Variants in DIP2C observed in about 807,000 individuals in gnomAD.
DIP2C encodes the protein disco-interacting protein 2 homolog C.
A neutral mutation model predicts 192.4 loss-of-function variants in DIP2C; 33 were observed. The observed-to-expected ratio is 0.17, with a 90% CI of 0.13 to 0.23. The LOEUF (loss-of-function observed/expected upper bound fraction) is 0.23, where lower values mean the gene tolerates loss of function less well. DIP2C is among the 10% of genes least tolerant of loss of function. The probability of loss-of-function intolerance (pLI) is 1.00; values close to 1 mark genes in which losing one functional copy is unlikely to be tolerated. For synonymous variants in DIP2C, 979 were observed against 864.1 expected (o/e 1.13, Z -2.33); for missense variants, 1,537 against 2,110.1 (o/e 0.73, Z 5.32).
At chr10:685,944 G>C (rs931617377) in intron 1 of DIP2C, among the ~76,000 whole-genome samples, 2 of 32,134 alleles carry the variant, frequency 6.2e-5, no homozygotes, top group Middle Eastern at 0.028. Flanking sequence ...ATGGGAGACA[G>C]AGTGAGACCG....
intron 17 of DIP2C, among the ~76,000 whole-genome samples, chr10:377,311 G>A (rs1961738609): frequency 6.6e-6 from 1 of 152,210 alleles, no homozygotes; most frequent in Admixed American, 6.5e-5. Context: ...GACCCCGTGG[G>A]GAGGCCCCTC....
chr10:546,711 CTT>C (rs1051257006), intron 1 of DIP2C, among the ~76,000 whole-genome samples: 4 of 152,064 alleles, frequency 2.6e-5, no homozygotes, highest in African/African-American at 9.7e-5. Context: ...TTGAGTGGCT[CTT>C]TTACCAGCAC....
intron 1 of DIP2C, among the ~76,000 whole-genome samples, chr10:547,778 T>C (rs1848363446): frequency 6.6e-6 from 1 of 152,110 alleles, no homozygotes; most frequent in African/African-American, 2.4e-5. Flanking sequence ...TGATAAAATC[T>C]CAGTCACGTC....
chr10:274,351 C>G lies in DIP2C; in HGVS notation c.*2974G>C, dbSNP rs1954410643. On this transcript the variant is annotated 3_prime_UTR_variant, in exon 37 of 37. Transcript: ENST00000280886. ...TGATTATCTGTACTAAGTAATGCAA[C>G]AAATTATGTAAACAGAGTCAGATAC... 1 of 152,124 alleles carries G rather than the reference C, an allele frequency of 6.6e-6. No individual in the cohort carries two copies. The highest frequency in any genetic ancestry group is 1.5e-5 in the Non-Finnish European group (1 of 68,022). The allele number at this position is 152,124 out of a possible 1,614,324, so 9.4% of individuals were successfully genotyped here.
intron 1 of DIP2C, among the ~76,000 whole-genome samples, chr10:494,829 A>C (rs1302174931): frequency 6.6e-6 from 1 of 152,242 alleles, no homozygotes; most frequent in Non-Finnish European, 1.5e-5. Flanking sequence ...AATAGCATGG[A>C]GCATCTTCCA....
chr10:340,909 G>A (rs1400568031), intron 29 of DIP2C: 2 of 507,236 alleles, frequency 3.9e-6, no homozygotes, highest in Admixed American at 4.6e-5. Flanking sequence ...ACAGGCATAA[G>A]AACCAAGCCT....
chr10:350,418 A>G (rs533797028), intron 24 of DIP2C, among the ~76,000 whole-genome samples: 43 of 152,306 alleles, frequency 2.8e-4, no homozygotes, highest in African/African-American at 1.0e-3. Flanking sequence ...GCTTTTCCTG[A>G]GGACACACTT....
chr10:357,054 C>A (rs1959115383), intron 23 of DIP2C, among the ~76,000 whole-genome samples: 1 of 152,178 alleles, frequency 6.6e-6, no homozygotes, highest in Admixed American at 6.5e-5. Context: ...GTAAAAGGGG[C>A]AGCCTTATTT....
intron 3 of DIP2C, among the ~76,000 whole-genome samples, chr10:442,109 G>A (rs1185669754): frequency 6.6e-6 from 1 of 152,186 alleles, no homozygotes. Flanking sequence ...AGTGAGAACG[G>A]TGTTAGCAGA....
chr10:293,758 G>C (rs150080440), intron 32 of DIP2C, among the ~76,000 whole-genome samples: 1 of 152,306 alleles, frequency 6.6e-6, no homozygotes, highest in Non-Finnish European at 1.5e-5. Flanking sequence ...CAGGCATCAT[G>C]TTCACACATC....
intron 2 of DIP2C, among the ~76,000 whole-genome samples, chr10:478,433 C>T (rs1020920104): frequency 2.8e-5 from 4 of 144,200 alleles, no homozygotes; most frequent in Admixed American, 1.4e-4. Flanking sequence ...ACAGACACAC[C>T]CCAATTCCCA....
At chr10:580,820 G>A (rs1850597009) in intron 1 of DIP2C, among the ~76,000 whole-genome samples, 2 of 152,208 alleles carry the variant, frequency 1.3e-5, no homozygotes, top group African/African-American at 4.8e-5. Context: ...AAAACACAGT[G>A]AGAAGGGCGC....
intron 1 of DIP2C, among the ~76,000 whole-genome samples, chr10:685,518 A>G (rs1028914996): frequency 6.6e-6 from 1 of 152,154 alleles, no homozygotes; most frequent in Admixed American, 6.5e-5. Flanking sequence ...AGTTCTATCA[A>G]AATAATTCAG....
intron 1 of DIP2C, among the ~76,000 whole-genome samples, chr10:610,034 C>T (rs542846551): frequency 1.0e-3 from 154 of 152,238 alleles, no homozygotes; most frequent in African/African-American, 2.6e-3. Context: ...CTCCCAGCTT[C>T]AATGCAGCAC....
intron 1 of DIP2C, among the ~76,000 whole-genome samples, chr10:602,589 T>TG (rs974102805): frequency 1.3e-5 from 2 of 152,280 alleles, no homozygotes; most frequent in African/African-American, 2.4e-5. Context: ...CAACAGGTCC[T>TG]GGGGCACCAG....
At chr10:341,463 C>T (rs1324484552) in intron 28 of DIP2C, 134 bp from the exon 29 acceptor site, 5 of 1,298,318 alleles carry the variant, frequency 3.9e-6, no homozygotes, top group African/African-American at 2.9e-5. Flanking sequence ...CGGGACAATA[C>T]GGGGCTGCAC....
At position 527,545 on chromosome 10, in the gene DIP2C, C is replaced by T. The variant is rs118098966; in HGVS notation, c.86-41015G>A. On this transcript the variant is annotated intron_variant, in intron 1 of 36. Transcript: ENST00000280886. ...AGCAGCAAGAGTTTGTTGAAAGTAA[C>T]TTCCACCAAATGGAACCGATTACAA... Among the ~76,000 whole-genome samples the T allele has an allele frequency of 2.6e-4, 40 of 152,318 alleles. No individual in the cohort carries two copies. The East Asian group carries it at 5.6e-3, about 21-fold the overall frequency.
At chr10:619,541 G>GCCCGCCCGCCCGCCCTCCCGCCCTCCCA in intron 1 of DIP2C, among the ~76,000 whole-genome samples, 8 of 67,896 alleles carry the variant, frequency 1.2e-4, no homozygotes, top group African/African-American at 2.1e-4. Flanking sequence ...CCGCCCGCCC[G>GCCCGCCCGCCCGCCCTCCCGCCCTCCCA]CCCTCCCACC....
At chr10:352,132 T>C (rs1461343738) in intron 24 of DIP2C, among the ~76,000 whole-genome samples, 1 of 152,222 alleles carries the variant, frequency 6.6e-6, no homozygotes, top group Non-Finnish European at 1.5e-5. Flanking sequence ...TTCTTCCCCA[T>C]CTCTGGAGAG....
Sources: gnomAD v4.1 joint callset for allele counts (sites outside exome capture counted in the v4.1 genomes callset) on GRCh38, gnomAD v4.1.1 for gene constraint, MANE v1.5 for transcripts, NCBI Gene and HGNC (gene_info 2026-07-23, HGNC 2026-07-21) for gene names.